Variants in TOMM20L observed in about 807,000 individuals in gnomAD.
The protein encoded by TOMM20L is TOMM20-like protein 1.
A neutral mutation model predicts 20.4 loss-of-function variants in TOMM20L; 19 were observed. The ratio of observed to expected loss-of-function variants is 0.93; its 90% CI spans 0.65 to 1.36. The LOEUF is 1.36. Ranked by LOEUF, TOMM20L falls within the 40% of genes most tolerant of loss-of-function variation. The probability of loss-of-function intolerance (pLI) is 0.00; values close to 1 mark genes in which losing one functional copy is unlikely to be tolerated. For missense variants in TOMM20L, 218 were observed against 203.7 expected (o/e 1.07, Z -0.43); for synonymous variants, 75 against 79.6 (o/e 0.94, Z 0.30).
downstream of TOMM20L, chr14:58,408,895 T>C (rs1283114234): frequency 3.1e-6 from 4 of 1,287,458 alleles, no homozygotes; most frequent in Non-Finnish European, 4.2e-6. Flanking sequence ...TCTCCAGCGG[T>C]TTCCATTTGC....
At chr14:58,408,926 T>C, downstream of TOMM20L, 7 of 1,478,654 alleles carry the variant, frequency 4.7e-6, no homozygotes, top group Non-Finnish European at 6.3e-6. Context: ...TGACAGATGG[T>C]TGAACATGGT....
downstream of TOMM20L, among the ~76,000 whole-genome samples, chr14:58,409,699 A>T (rs2036149370): frequency 6.6e-6 from 1 of 151,372 alleles, no homozygotes; most frequent in Non-Finnish European, 1.5e-5. Context: ...CTGCCTCAGC[A>T]TCCCGAGTAG....
chr14:58,410,620 T>C (rs540574988), downstream of TOMM20L, among the ~76,000 whole-genome samples: 2 of 152,352 alleles, frequency 1.3e-5, no homozygotes, highest in East Asian at 3.9e-4. Context: ...TGCAGGCATC[T>C]TCTCTAAAAT....
At chr14:58,401,751 T>C (rs932766737) in intron 2 of TOMM20L, among the ~76,000 whole-genome samples, 10 of 152,280 alleles carry the variant, frequency 6.6e-5, no homozygotes, top group Admixed American at 5.2e-4. Context: ...ACCCTAGGTG[T>C]AGTACCAATG....
downstream of TOMM20L, among the ~76,000 whole-genome samples, chr14:58,412,429 C>A (rs146372216): frequency 6.6e-6 from 1 of 152,208 alleles, no homozygotes; most frequent in Admixed American, 6.5e-5. Flanking sequence ...CGTTAGCCGC[C>A]GTGCCCGGCC....
At chr14:58,408,909 A>G, downstream of TOMM20L, 5 of 1,394,700 alleles carry the variant, frequency 3.6e-6, no homozygotes, top group Non-Finnish European at 4.8e-6. Context: ...CATTTGCCAA[A>G]CAGTCATGAC....
At chr14:58,400,898 T>C (rs2035985649) in intron 2 of TOMM20L, among the ~76,000 whole-genome samples, 1 of 151,898 alleles carries the variant, frequency 6.6e-6, no homozygotes, top group African/African-American at 2.4e-5. Flanking sequence ...CAAACAAACA[T>C]TTACCCTATC....
chr14:58,406,863 G>A (rs2036066412), intron 3 of TOMM20L, among the ~76,000 whole-genome samples: 1 of 152,040 alleles, frequency 6.6e-6, no homozygotes, highest in South Asian at 2.1e-4. Context: ...TGTAATTCAT[G>A]TTACACTACA....
intron 2 of TOMM20L, among the ~76,000 whole-genome samples, chr14:58,399,258 T>C (rs767004754): frequency 1.3e-5 from 2 of 152,192 alleles, no homozygotes; most frequent in Non-Finnish European, 2.9e-5. Flanking sequence ...AGGGTCTTTC[T>C]TCCTCTTCTT....
Position 58,404,099 on chromosome 14 carries a change from G to GTGTGTATATATATATA in TOMM20L, c.262+1339_262+1340insGTGTATATATATATAT, listed in dbSNP as rs1408980666. Among the ~76,000 whole-genome samples, 187 of 22,934 alleles carry GTGTGTATATATATATA rather than the reference G, an allele frequency of 8.2e-3. 48 individuals are homozygous for GTGTGTATATATATATA. Among genetic ancestry groups the GTGTGTATATATATATA allele is most frequent in the Middle Eastern group, 0.029 (1 of 34 alleles). The allele number at this position is 22,934 out of a possible 152,430, so 15.0% of individuals were successfully genotyped here. ...GTACAATGTATATATACATATATAT[G>GTGTGTATATATATATA]TATATATATATATATATATATTTTT... On this transcript the variant is annotated intron_variant, in intron 3 of 4. Transcript: ENST00000360945.
chr14:58,416,054 GAA>G, the TOMM20L span, among the ~76,000 whole-genome samples: 6 of 122,086 alleles, frequency 4.9e-5, no homozygotes, highest in Admixed American at 8.4e-5. Flanking sequence ...CGTCCCTACT[GAA>G]AAAAAAAAAA....
downstream of TOMM20L, among the ~76,000 whole-genome samples, chr14:58,411,584 G>C (rs566405736): frequency 6.6e-6 from 1 of 151,840 alleles, no homozygotes; most frequent in Non-Finnish European, 1.5e-5. Context: ...CTGTCACCCA[G>C]GCTGGAGTGC....
At chr14:58,401,855 C>A (rs1022740927) in intron 2 of TOMM20L, among the ~76,000 whole-genome samples, 39 of 152,316 alleles carry the variant, frequency 2.6e-4, no homozygotes, top group African/African-American at 9.4e-4. Flanking sequence ...CAACCCCCAA[C>A]CAGGTCCTTT....
chr14:58,398,114 G>A (rs2035949823), intron 2 of TOMM20L, among the ~76,000 whole-genome samples: 1 of 152,142 alleles, frequency 6.6e-6, no homozygotes, highest in African/African-American at 2.4e-5. Context: ...ACATGGGAGT[G>A]GAGATACCTT....
chr14:58,398,034 A>G (rs2035949058), intron 2 of TOMM20L, among the ~76,000 whole-genome samples: 1 of 152,172 alleles, frequency 6.6e-6, no homozygotes, highest in South Asian at 2.1e-4. Flanking sequence ...GGGTTTCAAA[A>G]TGGAATCACA....
chr14:58,412,893 T>A (rs1304502880), downstream of TOMM20L, among the ~76,000 whole-genome samples: 1 of 151,716 alleles, frequency 6.6e-6, no homozygotes, highest in Non-Finnish European at 1.5e-5. Context: ...AAAGTGAGAC[T>A]CCATCTCAAA....
downstream of TOMM20L, among the ~76,000 whole-genome samples, chr14:58,410,077 G>A (rs141352012): frequency 2.1e-3 from 322 of 151,188 alleles, 3 homozygotes; most frequent in Middle Eastern, 0.01. Context: ...GGTGCTTTTT[G>A]TTGTTGTTGT....
intron 2 of TOMM20L, among the ~76,000 whole-genome samples, chr14:58,401,569 CAAA>C (rs538892715): frequency 4.8e-5 from 4 of 83,838 alleles, no homozygotes; most frequent in Non-Finnish European, 7.9e-5. Flanking sequence ...GACTCTGTCT[CAAA>C]AAAAAAAAAA....
At chr14:58,402,838 C>A in intron 3 of TOMM20L, 77 bp downstream of exon 3, 1 of 1,118,034 alleles carries the variant, frequency 8.9e-7, no homozygotes, top group South Asian at 1.3e-5. Context: ...ATTTGTATGT[C>A]AAATAACTAG....
Sources: allele counts gnomAD v4.1 joint callset (sites outside exome capture counted in the v4.1 genomes callset), GRCh38; gene constraint gnomAD v4.1.1; transcripts MANE v1.5; gene names NCBI Gene and HGNC (gene_info 2026-07-23, HGNC 2026-07-21).